Variants in WFDC9 observed in about 807,000 individuals in gnomAD.
WFDC9 encodes the protein WAP four-disulfide core domain 9, also known as protein WFDC9.
A neutral mutation model predicts 9.5 loss-of-function variants in WFDC9; 9 were observed. The ratio of observed to expected loss-of-function variants is 0.95; its 90% CI spans 0.57 to 1.65. The LOEUF (loss-of-function observed/expected upper bound fraction) is 1.65. WFDC9 is among the 40% of genes most tolerant of loss of function. WFDC9 has a pLI of 0.00. For synonymous variants in WFDC9, 33 were observed against 32.3 expected (o/e 1.02, Z -0.07); for missense variants, 87 against 106.7 (o/e 0.82, Z 0.81).
chr20:45,629,454 G>T (rs1002510142), intron 1 of WFDC9: 14 of 161,778 alleles, frequency 8.7e-5, no homozygotes, highest in Non-Finnish European at 1.6e-4. Context: ...TGAAACATCA[G>T]TTAATTCTAA....
intron 3 of WFDC9, among the ~76,000 whole-genome samples, chr20:45,609,079 C>T (rs1040139475): frequency 1.3e-5 from 2 of 152,170 alleles, no homozygotes; most frequent in African/African-American, 4.8e-5. Flanking sequence ...CACCAACCAC[C>T]AAATTTATTC....
Position 45,618,673 on chromosome 20 carries a change from G to A in WFDC9, c.-152-3952C>T, listed in dbSNP as rs537403854. Reference sequence around the variant, plus strand: ...CAGAGCACACACACATTTATTGTTCGCCATGTCCTATGGGCACAGCTGGTG... The same window carrying A: ...CAGAGCACACACACATTTATTGTTCACCATGTCCTATGGGCACAGCTGGTG... On this transcript the variant is annotated intron_variant, in intron 1 of 4. Coordinates refer to ENST00000326000, the MANE Select transcript of WFDC9 (RefSeq NM_147198.4). Among the ~76,000 whole-genome samples, 169 of 152,156 alleles carry A rather than the reference G, an allele frequency of 1.1e-3. 2 individuals are homozygous for A. Among genetic ancestry groups the A allele is most frequent in the African/African-American group, 3.6e-3 (151 of 41,514 alleles).
At chr20:45,628,399 G>A (rs1467593876) in intron 1 of WFDC9, among the ~76,000 whole-genome samples, 3 of 152,172 alleles carry the variant, frequency 2.0e-5, no homozygotes, top group Non-Finnish European at 4.4e-5. Context: ...TGACCTAGTA[G>A]TGACAAGTCT....
At position 45,610,147 on chromosome 20, in the gene WFDC9, A is replaced by G. The variant is rs61738655; in HGVS notation, c.35T>C (p.Ile12Thr). 7.5e-4 allele frequency: 1,210 copies of G among 1,614,138 alleles called. 11 individuals carry two copies. In the African/African-American group the frequency reaches 0.013, roughly 17 times the overall value. ...AGGCAGAAGCATCACAACTCCAGAG[A>G]TGAACATGACGAGTAGAAGAATCCA... ...KPWILLLVMFISGVVMLLPVL... is the reference protein window; with the variant it reads ...KPWILLLVMFTSGVVMLLPVL... The change falls in exon 3 of 5, where the codon ATC becomes ACC. Residue 12 changes from isoleucine (I) to threonine (T), a missense_variant. Coordinates refer to ENST00000326000, the MANE Select transcript of WFDC9 (RefSeq NM_147198.4).
At chr20:45,624,450 C>A (rs1982172214) in intron 1 of WFDC9, among the ~76,000 whole-genome samples, 1 of 151,680 alleles carries the variant, frequency 6.6e-6, no homozygotes, top group Admixed American at 6.6e-5. Flanking sequence ...ATCATAGTTT[C>A]TTTCTCCATT....
At chr20:45,618,673 G>T (rs537403854) in intron 1 of WFDC9, among the ~76,000 whole-genome samples, 2 of 152,038 alleles carry the variant, frequency 1.3e-5, no homozygotes, top group Non-Finnish European at 2.9e-5. Flanking sequence ...TTTATTGTTC[G>T]CCATGTCCTA....
intron 1 of WFDC9, among the ~76,000 whole-genome samples, chr20:45,616,092 A>G (rs560861357): frequency 6.6e-6 from 1 of 152,208 alleles, no homozygotes; most frequent in African/African-American, 2.4e-5. Context: ...TGATCCTTTC[A>G]AGAAAGATTT....
chr20:45,621,537 G>C (rs1413231536), intron 1 of WFDC9, among the ~76,000 whole-genome samples: 1 of 152,166 alleles, frequency 6.6e-6, no homozygotes, highest in Non-Finnish European at 1.5e-5. Context: ...GAACAAACAA[G>C]TATGGCTCAC....
chr20:45,626,228 G>A (rs1982216514), intron 1 of WFDC9, among the ~76,000 whole-genome samples: 1 of 152,132 alleles, frequency 6.6e-6, no homozygotes, highest in South Asian at 2.1e-4. Context: ...CTTGAAACCT[G>A]TTCCCTCCAG....
At chr20:45,620,265 G>A (rs567944287) in intron 1 of WFDC9, among the ~76,000 whole-genome samples, 7 of 152,146 alleles carry the variant, frequency 4.6e-5, no homozygotes, top group African/African-American at 1.4e-4. Context: ...GAATTTTTTA[G>A]GCTTTCTTTG....
intron 1 of WFDC9, 26 bp downstream of exon 1, chr20:45,631,177 C>T: frequency 1.3e-6 from 1 of 760,916 alleles, no homozygotes; most frequent in Non-Finnish European, 1.9e-6. Flanking sequence ...GTCAAATAAA[C>T]CAGAACAAAT....
At chr20:45,613,525 C>T (rs1237934282) in intron 2 of WFDC9, among the ~76,000 whole-genome samples, 3 of 152,150 alleles carry the variant, frequency 2.0e-5, no homozygotes, top group African/African-American at 4.8e-5. Context: ...TTAAGAGATT[C>T]GAGCAGAGGC....
intron 1 of WFDC9, among the ~76,000 whole-genome samples, chr20:45,618,867 G>A (rs184243583): frequency 9.8e-4 from 150 of 152,348 alleles, no homozygotes; most frequent in African/African-American, 3.3e-3. Context: ...AGTGCCAAAA[G>A]ATTTGCTCAA....
At chr20:45,621,249 T>C (rs1170686558) in intron 1 of WFDC9, among the ~76,000 whole-genome samples, 1 of 152,246 alleles carries the variant, frequency 6.6e-6, no homozygotes, top group Non-Finnish European at 1.5e-5. Flanking sequence ...ATGCTAACTG[T>C]TCCCTTTAGT....
At chr20:45,615,531 A>T (rs1475194928) in intron 1 of WFDC9, among the ~76,000 whole-genome samples, 2 of 152,228 alleles carry the variant, frequency 1.3e-5, no homozygotes, top group Non-Finnish European at 2.9e-5. Context: ...ACCATAAAAA[A>T]GGTAATATTG....
At chr20:45,631,061 T>C (rs1378460442) in intron 1 of WFDC9, 142 bp downstream of exon 1, 1 of 1,558,550 alleles carries the variant, frequency 6.4e-7, no homozygotes, top group Non-Finnish European at 8.7e-7. Flanking sequence ...TCCCAACTCC[T>C]CTATCCAAGA....
intron 1 of WFDC9, among the ~76,000 whole-genome samples, chr20:45,616,125 T>G (rs894074321): frequency 6.6e-6 from 1 of 152,220 alleles, no homozygotes; most frequent in African/African-American, 2.4e-5. Flanking sequence ...CAACGCTGCT[T>G]GATAGCATTT....
intron 1 of WFDC9, among the ~76,000 whole-genome samples, chr20:45,615,229 A>G (rs2145596988): frequency 6.6e-6 from 1 of 152,288 alleles, no homozygotes; most frequent in South Asian, 2.1e-4. Context: ...ACGTGACCAA[A>G]TCCAGCACCA....
chr20:45,619,767 G>C (rs1982053617), intron 1 of WFDC9, among the ~76,000 whole-genome samples: 1 of 152,206 alleles, frequency 6.6e-6, no homozygotes, highest in East Asian at 1.9e-4. Flanking sequence ...GCTCATGCCT[G>C]TAATCCCAGC....
Sources: gnomAD v4.1 joint callset for allele counts (sites outside exome capture counted in the v4.1 genomes callset) on GRCh38, gnomAD v4.1.1 for gene constraint, MANE v1.5 for transcripts, NCBI Gene and HGNC (gene_info 2026-07-23, HGNC 2026-07-21) for gene names.